MSI1: variants seen among roughly 807,000 people sequenced by gnomAD.
MSI1 encodes the protein RNA-binding protein Musashi homolog 1.
Under a neutral mutation model 54.4 loss-of-function variants are expected in MSI1, and 15 were observed. The observed-to-expected ratio is 0.28, with a 90% CI of 0.18 to 0.42. The LOEUF (loss-of-function observed/expected upper bound fraction) is 0.42, where lower values mean the gene tolerates loss of function less well. MSI1 is among the 20% of genes least tolerant of loss of function. The pLI, the probability that MSI1 is intolerant of heterozygous loss-of-function variation, is 1.00. For synonymous variants in MSI1, 200 were observed against 196.5 expected, an observed-to-expected ratio of 1.02 and a Z score of -0.15; for missense variants, 304 against 506.0, an observed-to-expected ratio of 0.60 and a Z score of 3.83.
intron 4 of MSI1, among the ~76,000 whole-genome samples, chr12:120,365,524 C>T (rs1875961858): frequency 6.6e-6 from 1 of 152,120 alleles, no homozygotes; most frequent in African/African-American, 2.4e-5. Flanking sequence ...ACACAGATGA[C>T]CTATCTAGGT....
chr12:120,359,850 C>T (rs187447538), intron 6 of MSI1, among the ~76,000 whole-genome samples: 16 of 152,244 alleles, frequency 1.1e-4, no homozygotes, highest in African/African-American at 3.6e-4. Context: ...CAACCCAATC[C>T]TACTCCAGGC....
chr12:120,344,149 C>T (rs1873921688), intron 14 of MSI1, among the ~76,000 whole-genome samples: 2 of 152,310 alleles, frequency 1.3e-5, no homozygotes, highest in East Asian at 3.9e-4. Context: ...AGCCACTGCG[C>T]CCGGCCAAGG....
intron 11 of MSI1, among the ~76,000 whole-genome samples, chr12:120,349,695 C>A (rs1354239708): frequency 6.6e-6 from 1 of 152,240 alleles, no homozygotes; most frequent in Non-Finnish European, 1.5e-5. Context: ...GTCTCCTTTT[C>A]TCCAAGGCTA....
In MSI1 at chr12:120,342,175, C is replaced by A. The variant is rs73219314; in HGVS notation, c.*952G>T. The A allele has an allele frequency of 5.7e-3, 877 of 152,922 alleles. 3 individuals are homozygous for A. Among genetic ancestry groups the A allele is most frequent in the Non-Finnish European group, 0.01 (704 of 68,174 alleles). 9.5% of individuals were successfully genotyped at this position (152,922 alleles called of 1,614,324 possible). ...AACCTAGGTAGGGAGCAGGGGAGAC[C>A]TTTGGAGAGTTAATTCCTGTCCAGC... On this transcript the variant is annotated 3_prime_UTR_variant, in exon 15 of 15. Coordinates refer to ENST00000257552, the MANE Select transcript of MSI1 (RefSeq NM_002442.4).
Position 120,368,399 on chromosome 12 carries a change from A to T in MSI1, c.101-126T>A, listed in dbSNP as rs964181665. The T allele has an allele frequency of 2.1e-4, 200 of 941,182 alleles. No individual in the cohort carries two copies. Among genetic ancestry groups the T allele is most frequent in the Admixed American group, 4.6e-4 (12 of 25,922 alleles). 58.3% of individuals were successfully genotyped at this position (941,182 alleles called of 1,614,324 possible). Reference sequence around the variant, plus strand: ...GCGCCAAGCTGCCCGCGCGTTCTCCACTGCCGCCGCCCCCCACCGCCCTCG... The same window carrying T: ...GCGCCAAGCTGCCCGCGCGTTCTCCTCTGCCGCCGCCCCCCACCGCCCTCG... On this transcript the variant is annotated intron_variant, in intron 2 of 14. Transcript: ENST00000257552. This position sits in a 1 kb window ranked among gnomAD's most constrained non-coding sequence, Gnocchi z 6.6.
chr12:120,345,447 A>T (rs2136893249), intron 14 of MSI1, 123 bp downstream of exon 14: 1 of 784,582 alleles, frequency 1.3e-6, no homozygotes, highest in Non-Finnish European at 2.1e-6. Flanking sequence ...GCTGGTATAA[A>T]GATCTGTCTC....
intron 8 of MSI1, among the ~76,000 whole-genome samples, chr12:120,357,492 A>ATGTTTT (rs1380538562): frequency 3.9e-5 from 6 of 151,986 alleles, no homozygotes; most frequent in South Asian, 4.2e-4. Context: ...CCAACTCACC[A>ATGTTTT]TGTTTTTGTT....
chr12:120,340,051 C>T (rs978229161), downstream of MSI1, among the ~76,000 whole-genome samples: 6 of 150,638 alleles, frequency 4.0e-5, no homozygotes, highest in South Asian at 2.1e-4. Flanking sequence ...CAAAGTGTTT[C>T]GATTACAGTT....
downstream of MSI1, among the ~76,000 whole-genome samples, chr12:120,340,842 A>G (rs1873639897): frequency 6.7e-6 from 1 of 150,200 alleles, no homozygotes; most frequent in Non-Finnish European, 1.5e-5. Context: ...CTCCCATGCC[A>G]TGCACAACTT....
chr12:120,366,134 T>C (rs923076740), intron 4 of MSI1, among the ~76,000 whole-genome samples: 17 of 152,086 alleles, frequency 1.1e-4, no homozygotes, highest in Admixed American at 9.2e-4. Flanking sequence ...GGCCAGAGCT[T>C]TTTGCCACCC....
chr12:120,356,949 A>T lies in MSI1; in HGVS notation c.605T>A (p.Val202Asp). ...PTGSARGRSR[V>D]MPYGMDAFML... is the part of the protein sequence containing the mutation. ...GAAGGCGTCCATTCCGTAGGGCATG[A>T]CTCGAGACCTCCCCCGGGCTGAGCC... The change falls in exon 9 of 15, where the codon GTC becomes GAC. Residue 202 changes from valine (V) to aspartate (D), a missense_variant. Val to Asp is a radical substitution (Grantham distance 152). Transcript: ENST00000257552. 6.2e-7 allele frequency: 1 copy of T among 1,614,198 alleles called. No individual in the cohort carries two copies. Among genetic ancestry groups the T allele is most frequent in the Non-Finnish European group, 8.5e-7 (1 of 1,180,042 alleles).
chr12:120,365,743 G>A (rs925156949), intron 4 of MSI1, among the ~76,000 whole-genome samples: 5 of 152,136 alleles, frequency 3.3e-5, no homozygotes, highest in African/African-American at 7.2e-5. Flanking sequence ...TGCAGTCTTC[G>A]GTGACGTGAA....
intron 6 of MSI1, among the ~76,000 whole-genome samples, chr12:120,362,382 G>T (rs1323104036): frequency 2.0e-5 from 3 of 152,164 alleles, no homozygotes; most frequent in Non-Finnish European, 4.4e-5. Context: ...GGACTCCAAA[G>T]TTCACATTGT....
chr12:120,351,679 T>C (rs910206576), intron 10 of MSI1, among the ~76,000 whole-genome samples: 30 of 150,820 alleles, frequency 2.0e-4, no homozygotes, highest in Non-Finnish European at 3.7e-4. Flanking sequence ...GTTTCCTTCT[T>C]TTCTGTTTCT....
In MSI1 at chr12:120,353,424, G is replaced by T. The variant is rs199849224; in HGVS notation, c.653-45C>A. The stretch of plus-strand genomic sequence containing the variant: ...GTGTCAGATGGCTCATCCACAGGGC[G>T]GATCCTGATCATGGAGAAGGACCTG... On this transcript the variant is annotated intron_variant, in intron 9 of 14. Coordinates refer to ENST00000257552, the MANE Select transcript of MSI1 (RefSeq NM_002442.4). The T allele has an allele frequency of 5.7e-6, 9 of 1,569,758 alleles. No individual in the cohort carries two copies. In the Admixed American group the frequency reaches 1.3e-4, roughly 23 times the overall value.
At chr12:120,352,779 C>T (rs1431699629) in intron 10 of MSI1, among the ~76,000 whole-genome samples, 1 of 151,486 alleles carries the variant, frequency 6.6e-6, no homozygotes, top group Non-Finnish European at 1.5e-5. Context: ...GGCTTCCTGA[C>T]ATTTACTTTC....
At chr12:120,344,431 G>A (rs1873941428) in intron 14 of MSI1, among the ~76,000 whole-genome samples, 2 of 152,192 alleles carry the variant, frequency 1.3e-5, no homozygotes, top group African/African-American at 4.8e-5. Flanking sequence ...GGCTGGGCCC[G>A]GTGGCTCATG....
Position 120,342,713 on chromosome 12 carries a change from G to A in MSI1, c.*414C>T, listed in dbSNP as rs1283923215. ...GAGGGGAAATCTGAATAAAAAACAG[G>A]GGTTGGGCTGCGGCCTGTAGCAGGC... On this transcript the variant is annotated 3_prime_UTR_variant, in exon 15 of 15. Coordinates refer to ENST00000257552, the MANE Select transcript of MSI1 (RefSeq NM_002442.4). The A allele has an allele frequency of 6.6e-6, 1 of 151,366 alleles. No homozygotes were observed. Among genetic ancestry groups the A allele is most frequent in the African/African-American group, 2.4e-5 (1 of 41,200 alleles). 9.4% of individuals were successfully genotyped at this position (151,366 alleles called of 1,614,324 possible). A position where few individuals can be genotyped will look rare whatever the true frequency, so the allele number is the denominator to read the frequency against.
rs1876163713 is a variant in MSI1, at chr12:120,368,432, C to G, written c.101-159G>C. Among the ~76,000 whole-genome samples the G allele has an allele frequency of 6.6e-6, 1 of 151,796 alleles. No homozygotes were observed. On this transcript the variant is annotated intron_variant, in intron 2 of 14. Transcript: ENST00000257552. The surrounding 1 kb of genome is among the most constrained non-coding windows in gnomAD (Gnocchi z 6.6). ...CGCCCCCCACCGCCCTCGCCCCGTT[C>G]CCGCTGAGCCTCCTGGCGCCCACCG... is the stretch of plus-strand genomic sequence containing the variant.
Sources: gnomAD v4.1 joint callset for allele counts (sites outside exome capture counted in the v4.1 genomes callset) on GRCh38, gnomAD v4.1.1 for gene constraint, Gnocchi (gnomAD v3.1) non-coding constraint, MANE v1.5 for transcripts, NCBI Gene and HGNC (gene_info 2026-07-23, HGNC 2026-07-21) for gene names.